NID2: variants seen among roughly 807,000 people sequenced by gnomAD.
NID2 encodes nidogen-2.
In NID2, 83 loss-of-function variants were observed where a neutral mutation model predicts 145.4. That is an observed-to-expected ratio of 0.57 (90% CI 0.48 to 0.69). The LOEUF is 0.69. Among genes scored for constraint, NID2 ranks in the 30% least tolerant of loss-of-function variants. The pLI is 0.00. For missense variants in NID2, 1,807 were observed against 1,765.7 expected (o/e 1.02, Z -0.42); for synonymous variants, 739 against 701.3 (o/e 1.05, Z -0.85).
At chr14:52,011,452 C>T (rs761277466) in intron 17 of NID2, 102 bp downstream of exon 17, 335 of 1,455,682 alleles carry the variant, frequency 2.3e-4, no homozygotes, top group Non-Finnish European at 3.0e-4. Flanking sequence ...TAGAACTTAA[C>T]CTCCCCTAAT....
intron 5 of NID2, among the ~76,000 whole-genome samples, chr14:52,051,158 A>T (rs1892666178): frequency 6.7e-6 from 1 of 150,262 alleles, no homozygotes; most frequent in Non-Finnish European, 1.5e-5. Context: ...TTCTGAACAA[A>T]AAGAAAGGTC....
At chr14:52,018,783 T>C (rs1256897280) in intron 14 of NID2, among the ~76,000 whole-genome samples, 1 of 152,244 alleles carries the variant, frequency 6.6e-6, no homozygotes, top group Non-Finnish European at 1.5e-5. Context: ...GGTAGTGTTC[T>C]CAGTCTGACC....
At chr14:52,057,423 C>T (rs113185392) in intron 3 of NID2, among the ~76,000 whole-genome samples, 1 of 152,238 alleles carries the variant, frequency 6.6e-6, no homozygotes, top group African/African-American at 2.4e-5. Context: ...TTTAAACAGG[C>T]CGGGTATGGT....
At chr14:52,027,178 G>A in intron 12 of NID2, 23 bp downstream of exon 12, 5 of 1,454,642 alleles carry the variant, frequency 3.4e-6, no homozygotes, top group Non-Finnish European at 4.6e-6. Flanking sequence ...TCCAGTCATT[G>A]AGGCTGACCT....
intron 5 of NID2, among the ~76,000 whole-genome samples, chr14:52,043,361 C>G (rs1892356338): frequency 1.3e-5 from 2 of 152,190 alleles, no homozygotes; most frequent in Non-Finnish European, 2.9e-5. Context: ...GTCTAACCAT[C>G]CTTCTTTTAG....
At chr14:52,049,147 T>C (rs1026489214) in intron 5 of NID2, among the ~76,000 whole-genome samples, 1 of 151,930 alleles carries the variant, frequency 6.6e-6, no homozygotes, top group African/African-American at 2.4e-5. Flanking sequence ...GCTAAAGGAT[T>C]CTTAACATGA....
At chr14:52,061,954 T>C (rs549358227) in intron 2 of NID2, among the ~76,000 whole-genome samples, 2 of 152,318 alleles carry the variant, frequency 1.3e-5, no homozygotes, top group Non-Finnish European at 1.5e-5. Flanking sequence ...CTTAGAAATA[T>C]TATTTACTGG....
In NID2 at chr14:52,029,758, G is replaced by A; in HGVS notation, c.2258-68C>T. The A allele has an allele frequency of 4.3e-6, 6 of 1,383,950 alleles. No individual in the cohort carries two copies. In the South Asian group the frequency reaches 7.6e-5, roughly 17 times the overall value. 85.7% of individuals were successfully genotyped at this position (1,383,950 alleles called of 1,614,324 possible). A position where few individuals can be genotyped will look rare whatever the true frequency, so the allele number is the denominator to read the frequency against. ...GTAAGCAAATGTCACGGAGATAGAGGAGTCCTCGGAACTGACTGCATGTCT... is the reference window on the plus strand; with the variant it reads ...GTAAGCAAATGTCACGGAGATAGAGAAGTCCTCGGAACTGACTGCATGTCT... On this transcript the variant is annotated intron_variant, in intron 9 of 21. Transcript: ENST00000216286.
At chr14:52,016,629 C>T (rs562565571) in intron 14 of NID2, among the ~76,000 whole-genome samples, 3 of 152,224 alleles carry the variant, frequency 2.0e-5, no homozygotes, top group Non-Finnish European at 2.9e-5. Flanking sequence ...AAGCCTCATC[C>T]TCTCCCTGCA....
intron 6 of NID2, 78 bp from the exon 7 acceptor site, chr14:52,042,428 T>G: frequency 6.7e-7 from 1 of 1,483,416 alleles, no homozygotes; most frequent in African/African-American, 1.4e-5. Flanking sequence ...ATTATTCCAC[T>G]GACAACTTCC....
At chr14:52,067,334 C>G (rs2140440567) in intron 2 of NID2, among the ~76,000 whole-genome samples, 1 of 152,156 alleles carries the variant, frequency 6.6e-6, no homozygotes, top group East Asian at 1.9e-4. Context: ...GTGAAAAAAG[C>G]AAGTTATAAA....
chr14:52,062,726 G>A (rs1248314184), intron 2 of NID2, among the ~76,000 whole-genome samples: 1 of 152,168 alleles, frequency 6.6e-6, no homozygotes, highest in African/African-American at 2.4e-5. Flanking sequence ...TGAAGGGGAT[G>A]GGGAAGGGGG....
At position 52,054,012 on chromosome 14, in the gene NID2, G is replaced by A. The variant is rs1163937551; in HGVS notation, c.1069+8C>T. 6.2e-7 allele frequency: 1 copy of A among 1,612,174 alleles called. No individual in the cohort carries two copies. Among genetic ancestry groups the A allele is most frequent in the East Asian group, 2.2e-5 (1 of 44,870 alleles). On this transcript the variant is annotated splice_region_variant and intron_variant, in intron 4 of 21. Coordinates refer to ENST00000216286, the MANE Select transcript of NID2 (RefSeq NM_007361.4). The stretch of plus-strand genomic sequence containing the variant: ...AGGACAGATCAGAATCTGGAGGGGA[G>A]ATCCTACCCTCTAAAGGCTTTGTAT...
intron 16 of NID2, among the ~76,000 whole-genome samples, chr14:52,013,338 C>G (rs571579895): frequency 6.6e-6 from 1 of 152,270 alleles, no homozygotes; most frequent in African/African-American, 2.4e-5. Flanking sequence ...CTACCTCTTC[C>G]AGAGAAAGTT....
chr14:52,041,904 G>A (rs1192760993), intron 7 of NID2, among the ~76,000 whole-genome samples: 2 of 152,192 alleles, frequency 1.3e-5, no homozygotes, highest in African/African-American at 2.4e-5. Context: ...ACATTTAGAC[G>A]AAATCACTGC....
At chr14:52,030,046 A>G (rs142354206) in intron 9 of NID2, among the ~76,000 whole-genome samples, 2 of 152,174 alleles carry the variant, frequency 1.3e-5, no homozygotes, top group South Asian at 2.1e-4. Context: ...ATTATGTGTA[A>G]TTTTCACAGA....
chr14:52,061,420 C>T (rs922430480), intron 2 of NID2, among the ~76,000 whole-genome samples: 11 of 152,156 alleles, frequency 7.2e-5, no homozygotes, highest in Admixed American at 3.9e-4. Context: ...AAGCACCAGA[C>T]GTTATGCTTG....
chr14:52,021,277 G>A (rs900446705), intron 12 of NID2, among the ~76,000 whole-genome samples: 1 of 152,144 alleles, frequency 6.6e-6, no homozygotes, highest in Non-Finnish European at 1.5e-5. Flanking sequence ...AAATGAGAAT[G>A]TGTTGCATCA....
rs1417389983 is a variant in NID2 at position 52,060,365 on chromosome 14, A to G, written c.535-9T>C. The G allele has an allele frequency of 1.2e-4, 37 of 319,984 alleles. No individual in the cohort carries two copies. The highest frequency in any genetic ancestry group is 1.6e-4 in the Non-Finnish European group (35 of 214,374). The allele number at this position is 319,984 out of a possible 1,614,324, so 19.8% of individuals were successfully genotyped here. ...GCCTGGAAAGTGTTCAGCTGTGAGG[A>G]AAAAAAAAAAAAAAGAGAGAGAGAG... On this transcript the variant is annotated splice_polypyrimidine_tract_variant and intron_variant, in intron 2 of 21. Transcript: ENST00000216286.
Sources: allele counts gnomAD v4.1 joint callset (sites outside exome capture counted in the v4.1 genomes callset), GRCh38; gene constraint gnomAD v4.1.1; transcripts MANE v1.5; gene names NCBI Gene and HGNC (gene_info 2026-07-23, HGNC 2026-07-21).